The following ICA1L variants were observed in gnomAD, a reference collection of about 807,000 sequenced individuals.
ICA1L encodes islet cell autoantigen 1 like, also known as islet cell autoantigen 1-like protein.
Under a neutral mutation model 61.3 loss-of-function variants are expected in ICA1L, and 50 were observed. That is an observed-to-expected ratio of 0.82 (90% confidence interval 0.65 to 1.03). The LOEUF (loss-of-function observed/expected upper bound fraction) is 1.03. Among genes scored for constraint, ICA1L ranks in the 50% least tolerant of loss-of-function variants. ICA1L has a pLI of 0.00. For missense variants in ICA1L, 508 were observed against 556.7 expected (o/e 0.91, Z 0.88); for synonymous variants, 161 against 191.3 (o/e 0.84, Z 1.31).
At chr2:202,786,660 A>T (rs888254480) in intron 11 of ICA1L, 9 of 435,566 alleles carry the variant, frequency 2.1e-5, no homozygotes, top group African/African-American at 1.8e-4. Context: ...GCTGAAACCT[A>T]TAAATATGCT....
At chr2:202,862,641 A>G (rs570362550) in intron 1 of ICA1L, among the ~76,000 whole-genome samples, 1 of 152,054 alleles carries the variant, frequency 6.6e-6, no homozygotes, top group Non-Finnish European at 1.5e-5. Flanking sequence ...GTTCGAGACC[A>G]GCCTGGCCAA....
intron 12 of ICA1L, 43 bp downstream of exon 12, chr2:202,785,875 A>T (rs1692562875): frequency 3.7e-6 from 4 of 1,084,742 alleles, no homozygotes; most frequent in Non-Finnish European, 5.5e-6. Flanking sequence ...AATTCAACTG[A>T]TTCTTAAAGC....
In ICA1L at chr2:202,779,819, T is replaced by G. The variant is rs1692343285; in HGVS notation, c.1334-171A>C. On this transcript the variant is annotated intron_variant, in intron 12 of 12. Transcript: ENST00000358299. ...TTAAGATTTTTTTTTTTTTTTTTTG[T>G]TTTCGGTAGAGACTGGGGTTTCCCT... 4.7e-5 allele frequency among the ~76,000 whole-genome samples: 7 copies of G among 149,294 alleles called. No homozygotes were observed. In the South Asian group the frequency reaches 1.5e-3, roughly 32 times the overall value.
rs191786734 is a variant in ICA1L at position 202,817,790 on chromosome 2, G to T, written c.559-247C>A. 2.0e-5 allele frequency among the ~76,000 whole-genome samples: 3 copies of T among 152,062 alleles called. No homozygotes were observed. The South Asian group carries it at 6.2e-4, about 32-fold the overall frequency. ...GCTGAGAAAGTATGAGATAATAGAT[G>T]GAAAGCAAATAGTTTTTTAAAAAGT... On this transcript the variant is annotated intron_variant, in intron 5 of 12. Transcript: ENST00000358299.
intron 9 of ICA1L, among the ~76,000 whole-genome samples, chr2:202,802,867 G>C (rs1485845832): frequency 1.3e-5 from 2 of 151,974 alleles, no homozygotes; most frequent in African/African-American, 4.8e-5. Flanking sequence ...AGGGGTTGGG[G>C]AGGATGAAGA....
At position 202,849,906 on chromosome 2, in the gene ICA1L, G is replaced by A. The variant is rs1408557224; in HGVS notation, c.-7-20890C>T. On this transcript the variant is annotated intron_variant, in intron 1 of 12. Coordinates refer to ENST00000358299, the MANE Select transcript of ICA1L (RefSeq NM_001288622.3). The surrounding 1 kb of genome is among the most constrained non-coding windows in gnomAD (Gnocchi z 4.5). ...CACCTCATACAGGAGAGTTCCAGCT[G>A]GCATCAGGCTGGTGCCCCTCTGGAA... is the stretch of plus-strand genomic sequence containing the variant. Among the ~76,000 whole-genome samples, 1 of 152,146 alleles carries A rather than the reference G, an allele frequency of 6.6e-6. No homozygotes were observed. Among genetic ancestry groups the A allele is most frequent in the Non-Finnish European group, 1.5e-5 (1 of 68,030 alleles).
At chr2:202,843,138 C>A (rs530346700) in intron 1 of ICA1L, among the ~76,000 whole-genome samples, 2 of 152,192 alleles carry the variant, frequency 1.3e-5, no homozygotes, top group African/African-American at 2.4e-5. Context: ...ATGTCCATTT[C>A]TTTGGGGTCA....
chr2:202,804,094 C>T lies in ICA1L; in HGVS notation c.911-7130G>A, dbSNP rs192358763. ...TAACTGTTAGACATGCTCACAGGCA[C>T]GTAGTACATTCTGTATCCTTGCACC... On this transcript the variant is annotated intron_variant, in intron 9 of 12. Coordinates refer to ENST00000358299, the MANE Select transcript of ICA1L (RefSeq NM_001288622.3). Among the ~76,000 whole-genome samples the T allele has an allele frequency of 7.2e-5, 11 of 152,284 alleles. No individual in the cohort carries two copies. The East Asian group carries it at 1.2e-3, about 16-fold the overall frequency.
chr2:202,861,848 C>T (rs995457828), intron 1 of ICA1L, among the ~76,000 whole-genome samples: 6 of 135,530 alleles, frequency 4.4e-5, no homozygotes, highest in African/African-American at 1.4e-4. Context: ...CATGCTACTG[C>T]ACTCCAGCCT....
intron 10 of ICA1L, among the ~76,000 whole-genome samples, chr2:202,795,863 G>A (rs1692909053): frequency 1.3e-5 from 2 of 151,950 alleles, no homozygotes; most frequent in East Asian, 3.9e-4. Context: ...GCCACATGAT[G>A]AAACCCCATC....
intron 1 of ICA1L, among the ~76,000 whole-genome samples, chr2:202,856,673 A>G (rs1486685628): frequency 3.9e-5 from 6 of 152,180 alleles, no homozygotes; most frequent in Admixed American, 6.5e-5. Context: ...TTCAAATAGG[A>G]AGAGAGGAAG....
intron 1 of ICA1L, among the ~76,000 whole-genome samples, chr2:202,864,247 A>ATT (rs879707202): frequency 6.8e-6 from 1 of 146,604 alleles, no homozygotes; most frequent in Admixed American, 6.8e-5. Context: ...TTACAGATCA[A>ATT]TTTTTTTTTT....
chr2:202,843,197 C>T (rs560398201), intron 1 of ICA1L, among the ~76,000 whole-genome samples: 27 of 152,152 alleles, frequency 1.8e-4, no homozygotes, highest in Middle Eastern at 3.4e-3. Context: ...TCCCATTTTT[C>T]TTGTTGCCTT....
In ICA1L at chr2:202,831,985, T is replaced by G. The variant is rs542325365; in HGVS notation, c.-7-2969A>C. Among the ~76,000 whole-genome samples the G allele has an allele frequency of 5.3e-5, 8 of 151,872 alleles. No individual in the cohort carries two copies. In the East Asian group the frequency reaches 1.6e-3, roughly 29 times the overall value. ...GAAACCCCAAAATTTGTGTATAAAGTCCTCCCAAGACCTGTGCTAATCACT... is the reference window on the plus strand; with the variant it reads ...GAAACCCCAAAATTTGTGTATAAAGGCCTCCCAAGACCTGTGCTAATCACT... On this transcript the variant is annotated intron_variant, in intron 1 of 12. Transcript: ENST00000358299.
At chr2:202,819,446 TAAG>T (rs1693634928) in intron 5 of ICA1L, among the ~76,000 whole-genome samples, 1 of 152,136 alleles carries the variant, frequency 6.6e-6, no homozygotes, top group African/African-American at 2.4e-5. Flanking sequence ...AAGCAACATT[TAAG>T]AAGTAATTTA....
At chr2:202,813,400 C>A (rs1693435133) in intron 8 of ICA1L, among the ~76,000 whole-genome samples, 1 of 152,052 alleles carries the variant, frequency 6.6e-6, no homozygotes. Flanking sequence ...GGGAAAATGT[C>A]TTATACTACA....
At chr2:202,823,238 CCT>C (rs947229809) in intron 3 of ICA1L, among the ~76,000 whole-genome samples, 4 of 152,236 alleles carry the variant, frequency 2.6e-5, no homozygotes, top group South Asian at 2.1e-4. Flanking sequence ...CCTGTTCTCC[CCT>C]GAGTCAAGAG....
chr2:202,840,046 CATTATT>C (rs1042903994), intron 1 of ICA1L, among the ~76,000 whole-genome samples: 4 of 141,922 alleles, frequency 2.8e-5, no homozygotes, highest in African/African-American at 1.1e-4. Flanking sequence ...TTATTGTAGC[CATTATT>C]ATTATTTTTT....
chr2:202,839,763 G>T (rs1422480924), intron 1 of ICA1L, among the ~76,000 whole-genome samples: 2 of 151,942 alleles, frequency 1.3e-5, no homozygotes, highest in African/African-American at 2.4e-5. Context: ...CAGCTCTTTT[G>T]TTCTTTTTTC....
Sources: allele counts gnomAD v4.1 joint callset (sites outside exome capture counted in the v4.1 genomes callset), GRCh38; gene constraint gnomAD v4.1.1; non-coding constraint Gnocchi (gnomAD v3.1); transcripts MANE v1.5; gene names NCBI Gene and HGNC (gene_info 2026-07-23, HGNC 2026-07-21).